Variants in FHOD3 observed in about 807,000 individuals in gnomAD.
The protein encoded by FHOD3 is FH1/FH2 domain-containing protein 3.
A neutral mutation model predicts 173.0 loss-of-function variants in FHOD3; 90 were observed. The observed-to-expected ratio is 0.52, with a 90% CI of 0.44 to 0.62. FHOD3 has a LOEUF of 0.62. Among genes scored for constraint, FHOD3 ranks in the 20% least tolerant of loss-of-function variants. The probability of loss-of-function intolerance (pLI) is 0.00; values close to 1 mark genes in which losing one functional copy is unlikely to be tolerated. For missense variants in FHOD3, 1,945 were observed against 2,034.7 expected, an observed-to-expected ratio of 0.96 and a Z score of 0.85; for synonymous variants, 828 against 823.0, an observed-to-expected ratio of 1.01 and a Z score of -0.10.
intron 2 of FHOD3, among the ~76,000 whole-genome samples, chr18:36,364,120 C>T (rs368122602): frequency 2.0e-5 from 3 of 152,222 alleles, no homozygotes; most frequent in Admixed American, 2.0e-4. Context: ...AATGCAGCTG[C>T]CCCACACCCT....
At chr18:36,606,425 G>C (rs571883025) in intron 8 of FHOD3, among the ~76,000 whole-genome samples, 2 of 152,198 alleles carry the variant, frequency 1.3e-5, no homozygotes, top group South Asian at 2.1e-4. Flanking sequence ...TATTCCTTCA[G>C]TAAGTAACCC....
chr18:36,563,130 G>T, intron 5 of FHOD3, among the ~76,000 whole-genome samples: 1 of 152,320 alleles, frequency 6.6e-6, no homozygotes, highest in Admixed American at 6.5e-5. Context: ...GGTTTTTAAA[G>T]TTAAAATTCT....
At chr18:36,703,477 C>G (rs1227052837) in intron 17 of FHOD3, among the ~76,000 whole-genome samples, 2 of 152,180 alleles carry the variant, frequency 1.3e-5, no homozygotes, top group Non-Finnish European at 2.9e-5. Context: ...TTCCTTATTT[C>G]TCACATGGGG....
chr18:36,575,276 T>C (rs1345980228), intron 5 of FHOD3, among the ~76,000 whole-genome samples: 2 of 152,190 alleles, frequency 1.3e-5, no homozygotes, highest in Non-Finnish European at 2.9e-5. Flanking sequence ...CAGCCACTAA[T>C]GTAGTTTTCT....
At chr18:36,686,638 TAAAAAAAAAA>T (rs10599463) in intron 15 of FHOD3, among the ~76,000 whole-genome samples, 2 of 147,660 alleles carry the variant, frequency 1.4e-5, no homozygotes, top group African/African-American at 5.0e-5. Flanking sequence ...ATCCTGGAAA[TAAAAAAAAAA>T]AAAAAATCCT....
intron 5 of FHOD3, among the ~76,000 whole-genome samples, chr18:36,521,842 G>T (rs938451666): frequency 6.6e-6 from 1 of 152,072 alleles, no homozygotes; most frequent in South Asian, 2.1e-4. Flanking sequence ...CTCGTGTGTC[G>T]GTGCAGTCCA....
chr18:36,412,604 C>G (rs1422064427), intron 3 of FHOD3, among the ~76,000 whole-genome samples: 1 of 152,160 alleles, frequency 6.6e-6, no homozygotes, highest in Non-Finnish European at 1.5e-5. Flanking sequence ...CCAGATGAAC[C>G]TCTTCTTCCC....
chr18:36,744,032 G>A lies in FHOD3; in HGVS notation c.3880G>A (p.Ala1294Thr). ...AIGNFLNGTN[A>T]KAFELSYLEK... is the part of the protein sequence containing the mutation. ...TCTTTTATTGATGTTTGCAAAACAG[G>A]CCAAAGCGTTTGAGTTAAGCTACCT... Residue 1294 changes from alanine to threonine, a missense_variant and splice_region_variant, in exon 23 of 29, where the codon GCC becomes ACC. Ala to Thr is a moderately conservative substitution (Grantham distance 58). Around this residue, in one of 5 missense-constraint regions of FHOD3, gnomAD observed 231 missense variants for 321.9 expected, o/e 0.72. Coordinates refer to ENST00000590592, the MANE Select transcript of FHOD3 (RefSeq NM_001281740.3). 1 of 1,614,124 alleles carries A rather than the reference G, an allele frequency of 6.2e-7. No homozygotes were observed. The highest frequency in any genetic ancestry group is 8.5e-7 in the Non-Finnish European group (1 of 1,180,044).
Position 36,297,723 on chromosome 18 carries a change from G to T in FHOD3, c.-113G>T. The T allele has an allele frequency of 1.4e-6, 1 of 735,154 alleles. No individual in the cohort carries two copies. The highest frequency in any genetic ancestry group is 1.8e-6 in the Non-Finnish European group (1 of 563,004). 45.5% of individuals were successfully genotyped at this position (735,154 alleles called of 1,614,324 possible). Reference sequence around the variant, plus strand: ...CAGCCCGGCGCGCCTGAGCCTGCGAGTCCGCGAGCCAGCGAGCTGCGGCTG... The same window carrying T: ...CAGCCCGGCGCGCCTGAGCCTGCGATTCCGCGAGCCAGCGAGCTGCGGCTG... On this transcript the variant is annotated 5_prime_UTR_variant, in exon 1 of 29. Transcript: ENST00000590592.
At chr18:36,564,803 A>C (rs2058207537) in intron 5 of FHOD3, among the ~76,000 whole-genome samples, 1 of 152,040 alleles carries the variant, frequency 6.6e-6, no homozygotes, top group South Asian at 2.1e-4. Flanking sequence ...ATTAGGTCTG[A>C]TTTTTTTAAC....
chr18:36,441,413 G>A (rs1045719524), intron 3 of FHOD3, among the ~76,000 whole-genome samples: 3 of 152,146 alleles, frequency 2.0e-5, no homozygotes, highest in Non-Finnish European at 2.9e-5. Flanking sequence ...AGAGTTGTAC[G>A]GGAACATAGA....
intron 24 of FHOD3, among the ~76,000 whole-genome samples, chr18:36,754,730 G>A (rs957346739): frequency 1.3e-5 from 2 of 151,330 alleles, no homozygotes; most frequent in African/African-American, 2.4e-5. Context: ...AATACTTTTC[G>A]AAAATACCAC....
chr18:36,552,033 G>A (rs2057678462), intron 5 of FHOD3, among the ~76,000 whole-genome samples: 1 of 152,210 alleles, frequency 6.6e-6, no homozygotes. Flanking sequence ...ATTCTGTGAA[G>A]AAAGTCATTG....
chr18:36,709,531 C>T (rs2040056180), intron 18 of FHOD3, 140 bp downstream of exon 18: 7 of 954,700 alleles, frequency 7.3e-6, no homozygotes, highest in Non-Finnish European at 9.2e-6. Flanking sequence ...CACCCAGTGT[C>T]TGGGGACAAG....
chr18:36,506,270 T>A (rs1003247881), intron 4 of FHOD3, among the ~76,000 whole-genome samples: 2 of 152,222 alleles, frequency 1.3e-5, no homozygotes, highest in Non-Finnish European at 2.9e-5. Flanking sequence ...TAAAAACACT[T>A]TTTTGAACAG....
At chr18:36,396,729 TTTAA>T (rs1218393635) in intron 3 of FHOD3, among the ~76,000 whole-genome samples, 67 of 152,340 alleles carry the variant, frequency 4.4e-4, no homozygotes, top group Non-Finnish European at 1.2e-4. Flanking sequence ...TTTGACATGC[TTTAA>T]TTGTCTGTAC....
intron 3 of FHOD3, among the ~76,000 whole-genome samples, chr18:36,466,047 C>G (rs1338410655): frequency 6.6e-6 from 1 of 152,072 alleles, no homozygotes; most frequent in Non-Finnish European, 1.5e-5. Flanking sequence ...GCCCTCTCAC[C>G]CACCCCCAAT....
chr18:36,620,132 A>G (rs77153727), intron 9 of FHOD3, among the ~76,000 whole-genome samples: 22,290 of 152,192 alleles, frequency 0.15, 1,744 homozygotes, highest in African/African-American at 0.18. Context: ...AGATGAAACC[A>G]AAATTCCTTC....
chr18:36,306,533 C>G (rs756558967), intron 1 of FHOD3, among the ~76,000 whole-genome samples: 27 of 152,282 alleles, frequency 1.8e-4, no homozygotes, highest in Admixed American at 4.6e-4. Flanking sequence ...ACTTGTGTGA[C>G]CAGCCAAAGA....
Sources: gnomAD v4.1 joint callset for allele counts (sites outside exome capture counted in the v4.1 genomes callset) on GRCh38, gnomAD v4.1.1 for gene constraint, gnomAD v4.1.1 regional missense constraint, MANE v1.5 for transcripts, NCBI Gene and HGNC (gene_info 2026-07-23, HGNC 2026-07-21) for gene names.